KDM8: variants seen among roughly 807,000 people sequenced by gnomAD.
The protein encoded by KDM8 is lysine demethylase 8.
A neutral mutation model predicts 46.9 loss-of-function variants in KDM8; 35 were observed. That is an observed-to-expected ratio of 0.75 (90% CI 0.57 to 0.99). The LOEUF is 0.99. KDM8 is among the 50% of genes least tolerant of loss of function. The pLI is 0.00. For synonymous variants in KDM8, 232 were observed against 227.7 expected, an observed-to-expected ratio of 1.02 and a Z score of -0.17; for missense variants, 475 against 537.0, an observed-to-expected ratio of 0.88 and a Z score of 1.14.
chr16:27,203,718 A>T (rs2141995000), intron 1 of KDM8, 82 bp downstream of exon 1: 1 of 223,730 alleles, frequency 4.5e-6, no homozygotes, highest in East Asian at 1.1e-4. Context: ...TAGACCGCGC[A>T]GGCGTCATGT....
intron 3 of KDM8, 73 bp downstream of exon 3, chr16:27,213,824 C>T (rs935492004): frequency 1.0e-5 from 15 of 1,478,122 alleles, no homozygotes; most frequent in African/African-American, 4.2e-5. Flanking sequence ...GAATTCCTCC[C>T]GACCATCCCC....
chr16:27,220,780 C>A lies in KDM8; in HGVS notation c.*50C>A. 1 of 1,597,020 alleles carries A rather than the reference C, an allele frequency of 6.3e-7. No individual in the cohort carries two copies. Among genetic ancestry groups the A allele is most frequent in the South Asian group, 1.1e-5 (1 of 90,636 alleles). Reference sequence around the variant, plus strand: ...GACATGCAGACAGCATTCATCTGTTCACTAATTTCCTGGGTCCTGGAATCT... The same window carrying A: ...GACATGCAGACAGCATTCATCTGTTAACTAATTTCCTGGGTCCTGGAATCT... On this transcript the variant is annotated 3_prime_UTR_variant, in exon 8 of 8. Coordinates refer to ENST00000286096, the MANE Select transcript of KDM8 (RefSeq NM_024773.3).
chr16:27,203,917 C>G (rs2083400341), intron 1 of KDM8: 4 of 535,408 alleles, frequency 7.5e-6, no homozygotes, highest in South Asian at 2.4e-5. Context: ...GAGGGCAGGC[C>G]CTTACGGCGG....
intron 3 of KDM8, chr16:27,214,529 C>G (rs1732840650): frequency 3.9e-6 from 1 of 255,266 alleles, no homozygotes; most frequent in South Asian, 5.5e-5. Context: ...AGACTGCCAC[C>G]TGCCACGCTG....
At chr16:27,213,858 C>G (rs2083515861) in intron 3 of KDM8, 107 bp downstream of exon 3, 2 of 1,107,598 alleles carry the variant, frequency 1.8e-6, no homozygotes, top group Admixed American at 5.0e-5. Context: ...CTTGTAGATG[C>G]TTCACTAGCA....
chr16:27,207,772 A>G (rs747054815), intron 1 of KDM8, among the ~76,000 whole-genome samples: 1 of 152,084 alleles, frequency 6.6e-6, no homozygotes, highest in Non-Finnish European at 1.5e-5. Flanking sequence ...GTTTTTAGAG[A>G]CAGGGTCTTT....
chr16:27,211,333 G>T, intron 2 of KDM8: 1 of 394,642 alleles, frequency 2.5e-6, no homozygotes, highest in Non-Finnish European at 5.0e-6. Flanking sequence ...CTGCTCCTGG[G>T]TTTGGATGAG....
In KDM8 at chr16:27,213,668, T is replaced by C; in HGVS notation, c.582T>C (p.His194=). 6.2e-7 allele frequency: 1 copy of C among 1,614,182 alleles called. No individual in the cohort carries two copies. The highest frequency in any genetic ancestry group is 1.3e-5 in the African/African-American group (1 of 75,044). ...GGCTGCACCGTCCGTCCCTCCAGCA[T>C]TTCAGGGAGCAGTTTTTGGTTCCAG... is the stretch of plus-strand genomic sequence containing the variant. ...VPRLHRPSLQ[H]FREQFLVPGR... Residue 194 remains histidine (H), a synonymous_variant, in exon 3 of 8, where the codon CAT becomes CAC. Transcript: ENST00000286096.
chr16:27,213,461 ATTG>A, intron 2 of KDM8, 121 bp from the exon 3 acceptor site: 4 of 901,658 alleles, frequency 4.4e-6, no homozygotes, highest in Non-Finnish European at 6.9e-6. Context: ...AACGTTGTCT[ATTG>A]TTGTTACTGG....
Position 27,210,196 on chromosome 16 carries a change from C to T in KDM8, c.73C>T (p.Leu25Phe). ...CACTTTATGGGAGGCCCTCAGGGCG[C>T]TCCTGCCGCACAGTAAAGAAGACCT... ...EGTLWEALRA[L>F]LPHSKEDLKL... Residue 25 changes from leucine (L) to phenylalanine (F), a missense_variant, in exon 2 of 8, where the codon CTC becomes TTC. Physicochemically the swap from Leu to Phe is conservative, Grantham distance 22 (BLOSUM62 0). Coordinates refer to ENST00000286096, the MANE Select transcript of KDM8 (RefSeq NM_024773.3). 6.2e-7 allele frequency: 1 copy of T among 1,613,422 alleles called. No individual in the cohort carries two copies. The highest frequency in any genetic ancestry group is 1.3e-5 in the African/African-American group (1 of 75,066).
chr16:27,217,896 G>T (rs2083572794), intron 5 of KDM8, among the ~76,000 whole-genome samples: 1 of 151,254 alleles, frequency 6.6e-6, no homozygotes, highest in African/African-American at 2.4e-5. Context: ...GGCCTGGGGG[G>T]TGTGGGCTGG....
intron 4 of KDM8, among the ~76,000 whole-genome samples, chr16:27,215,417 A>G (rs1309117413): frequency 6.6e-6 from 1 of 152,056 alleles, no homozygotes; most frequent in Non-Finnish European, 1.5e-5. Context: ...CTGTCTCTAT[A>G]AAAAATATAA....
intron 1 of KDM8, among the ~76,000 whole-genome samples, chr16:27,209,428 T>C (rs984495714): frequency 6.6e-6 from 1 of 152,272 alleles, no homozygotes; most frequent in Non-Finnish European, 1.5e-5. Context: ...CGTCTTGCCA[T>C]GTTGGCCAGG....
intron 3 of KDM8, chr16:27,214,636 C>T (rs556990811): frequency 6.3e-6 from 3 of 475,620 alleles, no homozygotes; most frequent in East Asian, 3.3e-5. Flanking sequence ...AGCAGCCCAG[C>T]CAACCAGACT....
chr16:27,211,123 T>G (rs777771671), intron 2 of KDM8: 2 of 206,940 alleles, frequency 9.7e-6, no homozygotes, highest in African/African-American at 6.5e-5. Context: ...TTTTCTCTCT[T>G]TTTTTTTTTT....
At chr16:27,203,988 G>A in intron 1 of KDM8, 3 of 898,858 alleles carry the variant, frequency 3.3e-6, no homozygotes, top group Non-Finnish European at 5.0e-6. Context: ...GCGCCTGCGC[G>A]GGTTTTATAC....
chr16:27,209,946 A>AT (rs1467710340), intron 1 of KDM8, 147 bp from the exon 2 acceptor site: 2 of 788,834 alleles, frequency 2.5e-6, no homozygotes, highest in African/African-American at 3.5e-5. Flanking sequence ...CCCCAGACAG[A>AT]TGAGGGCCCT....
chr16:27,210,287 T>A lies in KDM8; in HGVS notation c.164T>A (p.Leu55His), dbSNP rs1357979280. Reference sequence around the variant, plus strand: ...ACATTGTTGCAGCGAGCCACTGAGCTCTTCTACGAGGGCAGGAGGGACGAG... The same window carrying A: ...ACATTGTTGCAGCGAGCCACTGAGCACTTCTACGAGGGCAGGAGGGACGAG... Reference protein sequence around the residue: ...VVTLLQRATELFYEGRRDECL... With the variant: ...VVTLLQRATEHFYEGRRDECL... The change falls in exon 2 of 8, where the codon CTC (leucine) becomes CAC (histidine). Residue 55 changes from leucine (L) to histidine (H), a missense_variant. Transcript: ENST00000286096. 3.1e-6 allele frequency: 5 copies of A among 1,613,112 alleles called. No homozygotes were observed. Among genetic ancestry groups the A allele is most frequent in the Non-Finnish European group, 4.2e-6 (5 of 1,180,040 alleles).
intron 6 of KDM8, 21 bp downstream of exon 6, chr16:27,219,131 A>G (rs2083588768): frequency 6.3e-7 from 1 of 1,588,414 alleles, no homozygotes; most frequent in East Asian, 2.3e-5. Context: ...CAGCTGGAAT[A>G]GTGGCCTTCT....
Sources: allele counts gnomAD v4.1 joint callset (sites outside exome capture counted in the v4.1 genomes callset), GRCh38; gene constraint gnomAD v4.1.1; transcripts MANE v1.5; gene names NCBI Gene and HGNC (gene_info 2026-07-23, HGNC 2026-07-21).